The following NCAPG2 variants were observed in gnomAD, a reference collection of about 807,000 sequenced individuals.
The protein encoded by NCAPG2 is condensin-2 complex subunit G2.
In NCAPG2, 53 loss-of-function variants were observed where a neutral mutation model predicts 141.1. The observed-to-expected ratio is 0.38, with a 90% confidence interval of 0.30 to 0.47. The LOEUF (loss-of-function observed/expected upper bound fraction) is 0.47, where lower values mean the gene tolerates loss of function less well. Among genes scored for constraint, NCAPG2 ranks in the 20% least tolerant of loss-of-function variants. The pLI, the probability that NCAPG2 is intolerant of heterozygous loss-of-function variation, is 0.99. For synonymous variants in NCAPG2, 499 were observed against 490.7 expected (o/e 1.02, Z -0.22); for missense variants, 1,087 against 1,389.0 (o/e 0.78, Z 3.46).
At chr7:158,637,986 A>G (rs899170111) in intron 27 of NCAPG2, among the ~76,000 whole-genome samples, 1 of 152,132 alleles carries the variant, frequency 6.6e-6, no homozygotes, top group Non-Finnish European at 1.5e-5. Context: ...TCTACTAAAA[A>G]TACAAAAATT....
intron 8 of NCAPG2, among the ~76,000 whole-genome samples, chr7:158,683,930 T>C (rs1834597181): frequency 6.6e-6 from 1 of 152,128 alleles, no homozygotes; most frequent in African/African-American, 2.4e-5. Context: ...GTGCAGCAAC[T>C]GGGAAAAGGC....
intron 12 of NCAPG2, among the ~76,000 whole-genome samples, chr7:158,672,165 C>A (rs1159848973): frequency 6.6e-6 from 1 of 151,910 alleles, no homozygotes; most frequent in Non-Finnish European, 1.5e-5. Context: ...AAGGCTCAGT[C>A]TGGGCCCCCA....
intron 14 of NCAPG2, 102 bp downstream of exon 14, chr7:158,664,426 A>G (rs1832761898): frequency 6.7e-7 from 1 of 1,500,664 alleles, no homozygotes; most frequent in Non-Finnish European, 9.1e-7. Context: ...AAATGCATTA[A>G]AGTATGAAGC....
chr7:158,652,337 A>G lies in NCAPG2; in HGVS notation c.2890T>C (p.Cys964Arg). The G allele has an allele frequency of 6.2e-7, 1 of 1,613,922 alleles. No homozygotes were observed. The highest frequency in any genetic ancestry group is 1.3e-5 in the African/African-American group (1 of 75,046). The change falls in exon 23 of 28, where the codon TGT becomes CGT. Residue 964 changes from cysteine to arginine, a missense_variant. Transcript: ENST00000356309. ...TGCTTCCTGAAGCTCCGTGCAATAC[A>G]TTCCAACATTTTCTGAAATACTTTC... ...VQKVFQKMLE[C>R]IARSFRKQPE...
intron 16 of NCAPG2, 102 bp downstream of exon 16, chr7:158,662,092 G>C (rs1832555894): frequency 8.8e-7 from 1 of 1,136,704 alleles, no homozygotes; most frequent in Non-Finnish European, 1.2e-6. Context: ...TTACAGATGA[G>C]AACACAGATC....
In NCAPG2 at chr7:158,693,399, T is replaced by G; in HGVS notation, c.177A>C (p.Thr59=). The G allele has an allele frequency of 3.7e-6, 6 of 1,614,150 alleles. No individual in the cohort carries two copies. The highest frequency in any genetic ancestry group is 5.1e-6 in the Non-Finnish European group (6 of 1,179,972). The change falls in exon 3 of 28, where the codon ACA becomes ACC. Residue 59 remains threonine (T), a synonymous_variant. Coordinates refer to ENST00000356309, the MANE Select transcript of NCAPG2 (RefSeq NM_017760.7). ...CCACTGGGCTTTCTAACAACACATC[T>G]GTCAATAAATTCTTCAGCCTTTGCC... ...ELWQRLKNLL[T]DVLLESPVDG...
Position 158,664,312 on chromosome 7 carries a change from T to C in NCAPG2, c.1703-16A>G. 1 of 1,588,694 alleles carries C rather than the reference T, an allele frequency of 6.3e-7. No homozygotes were observed. The highest frequency in any genetic ancestry group is 8.6e-7 in the Non-Finnish European group (1 of 1,156,980). ...ATCAGCTTTGCTGAAATGTTTAGGA[T>C]AAACAAGAATTAATGGATGTGTTTC... On this transcript the variant is annotated splice_polypyrimidine_tract_variant and intron_variant, in intron 14 of 27. Transcript: ENST00000356309.
At chr7:158,691,059 C>T (rs780996270) in intron 4 of NCAPG2, among the ~76,000 whole-genome samples, 4 of 152,158 alleles carry the variant, frequency 2.6e-5, no homozygotes, top group Non-Finnish European at 4.4e-5. Flanking sequence ...CCAATGGTAT[C>T]TCTGTTAACA....
At chr7:158,654,793 A>AT in intron 21 of NCAPG2, 99 bp from the exon 22 acceptor site, 1 of 1,468,324 alleles carries the variant, frequency 6.8e-7, no homozygotes, top group Non-Finnish European at 9.0e-7. Flanking sequence ...TAGTTATCTT[A>AT]TAAAGCAGAT....
intron 27 of NCAPG2, among the ~76,000 whole-genome samples, chr7:158,636,548 T>A (rs909686191): frequency 2.0e-5 from 3 of 151,766 alleles, no homozygotes; most frequent in African/African-American, 7.3e-5. Context: ...ATTACAGGCA[T>A]GTGCCACCAT....
intron 11 of NCAPG2, among the ~76,000 whole-genome samples, chr7:158,678,492 T>C (rs543959119): frequency 2.0e-5 from 3 of 152,172 alleles, no homozygotes; most frequent in African/African-American, 4.8e-5. Context: ...AATTTTGTTG[T>C]CCACAAAATT....
At chr7:158,662,423 G>T in intron 15 of NCAPG2, 56 bp from the exon 16 acceptor site, 1 of 1,428,682 alleles carries the variant, frequency 7.0e-7, no homozygotes. Flanking sequence ...CTACTAAAAG[G>T]TAACAGCATC....
At chr7:158,677,525 C>CAAAAAAAAAAAAAAAAAAAAAAAAACAA in intron 11 of NCAPG2, among the ~76,000 whole-genome samples, 12 of 90,402 alleles carry the variant, frequency 1.3e-4, no homozygotes, top group Admixed American at 2.3e-4. Context: ...AAAAATAAAG[C>CAAAAAAAAAAAAAAAAAAAAAAAAACAA]AAAAAAAAAA....
At chr7:158,685,556 C>G (rs964160230) in intron 8 of NCAPG2, among the ~76,000 whole-genome samples, 1 of 152,154 alleles carries the variant, frequency 6.6e-6, no homozygotes, top group African/African-American at 2.4e-5. Context: ...CACTCCTGCA[C>G]ACTTTAAATC....
chr7:158,661,610 C>T (rs1440449544), intron 16 of NCAPG2, among the ~76,000 whole-genome samples: 3 of 152,252 alleles, frequency 2.0e-5, no homozygotes, highest in Admixed American at 6.5e-5. Context: ...TAAGCATTCT[C>T]GCCACAGAAA....
intron 2 of NCAPG2, among the ~76,000 whole-genome samples, chr7:158,695,608 G>T (rs1268680419): frequency 6.6e-6 from 1 of 152,242 alleles, no homozygotes; most frequent in Admixed American, 6.5e-5. Context: ...GAGCTGGCTG[G>T]AAGGGCAAGG....
intron 4 of NCAPG2, among the ~76,000 whole-genome samples, chr7:158,691,350 C>T (rs1308854164): frequency 6.6e-6 from 1 of 152,224 alleles, no homozygotes; most frequent in African/African-American, 2.4e-5. Context: ...CTAATCATTT[C>T]ACTAGTTATT....
intron 27 of NCAPG2, among the ~76,000 whole-genome samples, chr7:158,632,699 A>G (rs1423089017): frequency 6.6e-6 from 1 of 152,206 alleles, no homozygotes; most frequent in Non-Finnish European, 1.5e-5. Flanking sequence ...TGCCAGTCAC[A>G]TGCGTCATTT....
In NCAPG2 at chr7:158,671,566, C is replaced by T. The variant is rs1280261918; in HGVS notation, c.1427G>A (p.Arg476Lys). 1.9e-6 allele frequency: 3 copies of T among 1,614,082 alleles called. No homozygotes were observed. In the African/African-American group the frequency reaches 4.0e-5, roughly 22 times the overall value. Reference protein sequence around the residue: ...YSLHDNSEKVRVAFVDMLLKI... With the variant: ...YSLHDNSEKVKVAFVDMLLKI... ...CAACAGCATGTCCACAAAAGCTACC[C>T]TCACTTTCTCCGAATTGTCGTGGAG... The change falls in exon 13 of 28, where the codon AGG (arginine) becomes AAG (lysine). Residue 476 changes from arginine (R) to lysine (K), a missense_variant. By Grantham distance (26) the Arg-to-Lys change is conservative. Coordinates refer to ENST00000356309, the MANE Select transcript of NCAPG2 (RefSeq NM_017760.7).
Sources: allele counts gnomAD v4.1 joint callset (sites outside exome capture counted in the v4.1 genomes callset), GRCh38; gene constraint gnomAD v4.1.1; transcripts MANE v1.5; gene names NCBI Gene and HGNC (gene_info 2026-07-23, HGNC 2026-07-21).